OSBPL2: variants seen among roughly 807,000 people sequenced by gnomAD.
OSBPL2 encodes the protein oxysterol-binding protein-related protein 2.
Under a neutral mutation model 58.4 loss-of-function variants are expected in OSBPL2, and 18 were observed. The ratio of observed to expected loss-of-function variants is 0.31; its 90% CI spans 0.21 to 0.46. OSBPL2 has a LOEUF of 0.46. OSBPL2 is among the 20% of genes least tolerant of loss of function. The probability of loss-of-function intolerance (pLI) is 1.00; values close to 1 mark genes in which losing one functional copy is unlikely to be tolerated. For missense variants in OSBPL2, 461 were observed against 616.5 expected (o/e 0.75, Z 2.67); for synonymous variants, 221 against 234.1 (o/e 0.94, Z 0.51).
intron 1 of OSBPL2, among the ~76,000 whole-genome samples, chr20:62,248,612 C>T (rs559850223): frequency 3.5e-4 from 53 of 152,296 alleles, no homozygotes; most frequent in African/African-American, 1.2e-3. Context: ...GCAGGTCGCC[C>T]GTGGTGGTCA....
intron 3 of OSBPL2, among the ~76,000 whole-genome samples, chr20:62,263,193 A>T (rs1981431010): frequency 6.6e-6 from 1 of 152,196 alleles, no homozygotes; most frequent in Non-Finnish European, 1.5e-5. Flanking sequence ...ACGTGTTTAA[A>T]GGGCGGAACA....
At chr20:62,278,817 G>T (rs71323578) in intron 6 of OSBPL2, 10 of 230,202 alleles carry the variant, frequency 4.3e-5, no homozygotes, top group African/African-American at 2.5e-4. Context: ...GTGCGATATC[G>T]TGTTTGTGTG....
In OSBPL2 at chr20:62,289,096, G is replaced by A. The variant is rs1601202595; in HGVS notation, c.1126-111G>A. The stretch of plus-strand genomic sequence containing the variant: ...ACGTGAGCGGAAGTAGGTTCCCATG[G>A]TGGCAGTCAGGTAGCACCTGCGGGA... On this transcript the variant is annotated intron_variant, in intron 11 of 13. Transcript: ENST00000313733. 14 of 1,228,004 alleles carry A rather than the reference G, an allele frequency of 1.1e-5. No homozygotes were observed. In the East Asian group the frequency reaches 3.4e-4, roughly 30 times the overall value. The allele number at this position is 1,228,004 out of a possible 1,614,324, so 76.1% of individuals were successfully genotyped here.
intron 7 of OSBPL2, 28 bp downstream of exon 7, chr20:62,279,367 C>G (rs773480058): frequency 1.2e-6 from 2 of 1,604,890 alleles, no homozygotes; most frequent in Middle Eastern, 1.7e-4. Flanking sequence ...CTGCTGAGAT[C>G]CGCTTCCTGC....
chr20:62,256,778 C>T (rs1378860600), intron 2 of OSBPL2, among the ~76,000 whole-genome samples: 4 of 152,230 alleles, frequency 2.6e-5, no homozygotes, highest in African/African-American at 7.2e-5. Flanking sequence ...GGGCATGTGA[C>T]GGGGCGGCTA....
At chr20:62,290,672 A>G (rs1431299237) in intron 12 of OSBPL2, among the ~76,000 whole-genome samples, 5 of 149,790 alleles carry the variant, frequency 3.3e-5, no homozygotes, top group Non-Finnish European at 5.9e-5. Context: ...CGCCCGCCTC[A>G]GCCTCCCAGA....
intron 2 of OSBPL2, among the ~76,000 whole-genome samples, chr20:62,257,260 G>A (rs574317428): frequency 5.6e-4 from 85 of 152,206 alleles, no homozygotes; most frequent in Non-Finnish European, 9.6e-4. Flanking sequence ...CTCTGGTGGC[G>A]CCTCCGGTCC....
At chr20:62,281,385 T>C (rs1408532956) in intron 8 of OSBPL2, 4 of 557,678 alleles carry the variant, frequency 7.2e-6, no homozygotes, top group Non-Finnish European at 1.3e-5. Context: ...TCACGGTTGT[T>C]ACTTTAAGGC....
At chr20:62,264,079 A>C (rs1259922010) in intron 4 of OSBPL2, among the ~76,000 whole-genome samples, 2 of 151,958 alleles carry the variant, frequency 1.3e-5, no homozygotes, top group Non-Finnish European at 2.9e-5. Flanking sequence ...AAAAAAAAAA[A>C]AAGAAAAAAA....
intron 1 of OSBPL2, among the ~76,000 whole-genome samples, chr20:62,243,475 G>A (rs62204467): frequency 1.6e-5 from 1 of 61,496 alleles, no homozygotes; most frequent in African/African-American, 3.4e-5. Context: ...GCGCCTGCCC[G>A]GCAGCTCCGC....
chr20:62,292,680 G>C (rs1191728310), intron 13 of OSBPL2, among the ~76,000 whole-genome samples: 1 of 152,256 alleles, frequency 6.6e-6, no homozygotes, highest in South Asian at 2.1e-4. Context: ...TCTTAATTCT[G>C]TAGGCCACCT....
In OSBPL2 at chr20:62,289,323, C is replaced by T; in HGVS notation, c.1242C>T (p.Gly414=). 1 of 1,612,536 alleles carries T rather than the reference C, an allele frequency of 6.2e-7. No homozygotes were observed. Among genetic ancestry groups the T allele is most frequent in the Non-Finnish European group, 8.5e-7 (1 of 1,179,212 alleles). ...LRPDIRGMEN[G]NMDLASQEKE... ...CTGACATCCGCGGCATGGAGAATGG[C>T]AACATGGGTGCGTCCACGCAGTCAG... The change falls in exon 12 of 14, where the codon GGC becomes GGT. Residue 414 remains glycine (G), a synonymous_variant. Transcript: ENST00000313733.
At position 62,295,778 on chromosome 20, in the gene OSBPL2, TG is replaced by T. The variant is rs3833323; in HGVS notation, c.*1892del. 27,600 of 152,202 alleles carry T rather than the reference TG, an allele frequency of 0.18. 3,086 individuals carry two copies. The highest frequency in any genetic ancestry group is 0.27 in the Middle Eastern group (79 of 294). 9.4% of individuals were successfully genotyped at this position (152,202 alleles called of 1,614,324 possible). Reference sequence around the variant, plus strand: ...TCCTTCTCCAAGAAAGGTTGCAAGCTGAGAACATCCAGAGGTGAGACTCAGA... The same window carrying T: ...TCCTTCTCCAAGAAAGGTTGCAAGCTAGAACATCCAGAGGTGAGACTCAGA... On this transcript the variant is annotated 3_prime_UTR_variant, in exon 14 of 14. Transcript: ENST00000313733. The surrounding 1 kb of genome is among the most constrained non-coding windows in gnomAD (Gnocchi z 4.8).
intron 11 of OSBPL2, among the ~76,000 whole-genome samples, chr20:62,287,447 T>C (rs1049221450): frequency 2.0e-5 from 3 of 152,160 alleles, no homozygotes; most frequent in Non-Finnish European, 4.4e-5. Flanking sequence ...TACGAACTGG[T>C]TTAACAATGC....
chr20:62,265,138 C>G (rs1028916227), intron 4 of OSBPL2, among the ~76,000 whole-genome samples: 4 of 152,156 alleles, frequency 2.6e-5, no homozygotes, highest in Non-Finnish European at 4.4e-5. Flanking sequence ...TTACTGAAAT[C>G]ATTCTAATGG....
chr20:62,243,482 C>T (rs1273210899), intron 1 of OSBPL2, among the ~76,000 whole-genome samples: 1 of 151,144 alleles, frequency 6.6e-6, no homozygotes, highest in East Asian at 2.0e-4. Flanking sequence ...CCCGGCAGCT[C>T]CGCCTCTTCA....
intron 1 of OSBPL2, among the ~76,000 whole-genome samples, chr20:62,251,696 CT>C (rs1980556184): frequency 6.6e-6 from 1 of 151,970 alleles, no homozygotes; most frequent in East Asian, 1.9e-4. Flanking sequence ...GCATGAGCCA[CT>C]GCGCCTGGCC....
At chr20:62,240,745 T>C (rs1361928684) in intron 1 of OSBPL2, among the ~76,000 whole-genome samples, 1 of 152,262 alleles carries the variant, frequency 6.6e-6, no homozygotes, top group African/African-American at 2.4e-5. Context: ...CTAATAGACT[T>C]TCTTTTTTGT....
chr20:62,281,252 G>A (rs1203649122), intron 8 of OSBPL2, 87 bp downstream of exon 8: 1 of 971,344 alleles, frequency 1.0e-6, no homozygotes. Context: ...TGCTCCTGGT[G>A]GGTTTTAGCT....
Sources: gnomAD v4.1 joint callset for allele counts (sites outside exome capture counted in the v4.1 genomes callset) on GRCh38, gnomAD v4.1.1 for gene constraint, Gnocchi (gnomAD v3.1) non-coding constraint, MANE v1.5 for transcripts, NCBI Gene and HGNC (gene_info 2026-07-23, HGNC 2026-07-21) for gene names.